Variants in RANBP2 observed in about 807,000 individuals in gnomAD.
RANBP2 encodes E3 SUMO-protein ligase RanBP2.
A neutral mutation model predicts 303.6 loss-of-function variants in RANBP2; 57 were observed. The observed-to-expected ratio is 0.19, with a 90% CI of 0.15 to 0.23. RANBP2 has a LOEUF of 0.23. Ranked by LOEUF, RANBP2 falls within the 10% of genes least tolerant of loss-of-function variation. The pLI is 1.00. For missense variants in RANBP2, 3,138 were observed against 3,780.8 expected (o/e 0.83, Z 4.46); for synonymous variants, 1,167 against 1,301.5 (o/e 0.90, Z 2.23).
At chr2:108,755,802 C>A (rs1573784752) in intron 17 of RANBP2, among the ~76,000 whole-genome samples, 1 of 151,928 alleles carries the variant, frequency 6.6e-6, no homozygotes, top group East Asian at 1.9e-4. Context: ...TGGCTCACTG[C>A]AACCTCCACC....
the RANBP2 span, among the ~76,000 whole-genome samples, chr2:108,960,911 G>C: frequency 6.6e-6 from 1 of 152,164 alleles, no homozygotes; most frequent in South Asian, 2.1e-4. Flanking sequence ...ATCCCCTAAG[G>C]CTGGACATTC....
rs1254990557 is a variant in RANBP2, at chr2:108,777,330, TCTTCCCTTACCCCCC to T, written c.8599+100_8599+114del. 1,892 of 1,009,588 alleles carry T rather than the reference TCTTCCCTTACCCCCC, an allele frequency of 1.9e-3. 4 individuals are homozygous for T. The highest frequency in any genetic ancestry group is 2.6e-3 in the Non-Finnish European group (1,686 of 661,154). 62.5% of individuals were successfully genotyped at this position (1,009,588 alleles called of 1,614,324 possible). On this transcript the variant is annotated intron_variant, in intron 25 of 28. Transcript: ENST00000283195. ...GCAGTATATAACTAAGTTAGAAGTTTCTTCCCTTACCCCCCAGTTTGTTTTAGTGTTTTAATAATG... is the reference window on the plus strand; with the variant it reads ...GCAGTATATAACTAAGTTAGAAGTTTAGTTTGTTTTAGTGTTTTAATAATG...
chr2:109,199,637 T>TCGTTCC, the RANBP2 span, among the ~76,000 whole-genome samples: 2 of 50 alleles, frequency 0.04, no homozygotes, highest in Non-Finnish European at 0.071. Context: ...TGGAATGGAA[T>TCGTTCC]GGAATGGAAT....
downstream of RANBP2, chr2:108,786,986 A>C: frequency 1.8e-6 from 2 of 1,112,508 alleles, no homozygotes; most frequent in Non-Finnish European, 2.4e-6. Flanking sequence ...TGCCCCGCGC[A>C]GCCGGCCTGG....
the RANBP2 span, chr2:108,873,542 A>G: frequency 2.2e-5 from 35 of 1,611,628 alleles, no homozygotes; most frequent in African/African-American, 4.0e-4. Context: ...TTGATCTTCA[A>G]ATACTAGAAA....
the RANBP2 span, chr2:108,812,865 CA>C: frequency 9.3e-5 from 150 of 1,613,456 alleles, 1 homozygote; most frequent in South Asian, 1.4e-3. Flanking sequence ...AGGAAGTTCC[CA>C]TGCTGTTCAT....
the RANBP2 span, chr2:108,846,574 G>A: frequency 6.1e-6 from 1 of 164,082 alleles, no homozygotes; most frequent in Non-Finnish European, 1.3e-5. Flanking sequence ...CTTCTTGGGA[G>A]GCTGAGGTAG....
the RANBP2 span, chr2:109,127,314 G>C: frequency 6.6e-6 from 1 of 152,214 alleles, no homozygotes; most frequent in Non-Finnish European, 1.5e-5. Flanking sequence ...GAGAGAGAAA[G>C]AGAGACGTAT....
At chr2:108,987,642 G>A in the RANBP2 span, among the ~76,000 whole-genome samples, 1 of 152,184 alleles carries the variant, frequency 6.6e-6, no homozygotes, top group Non-Finnish European at 1.5e-5. Flanking sequence ...TCCTCCAACT[G>A]TGCTGTCACA....
At chr2:108,752,033 C>T in intron 12 of RANBP2, 39 bp downstream of exon 12, 2 of 1,606,986 alleles carry the variant, frequency 1.2e-6, no homozygotes, top group Non-Finnish European at 1.7e-6. Context: ...AGAACATTAC[C>T]TTAATTTTTT....
At chr2:108,902,859 C>T in the RANBP2 span, among the ~76,000 whole-genome samples, 1 of 152,148 alleles carries the variant, frequency 6.6e-6, no homozygotes, top group Non-Finnish European at 1.5e-5. Context: ...TCTGCTTCTG[C>T]TTCATCATTT....
the RANBP2 span, among the ~76,000 whole-genome samples, chr2:109,137,761 C>T: frequency 7.2e-5 from 11 of 152,192 alleles, no homozygotes; most frequent in African/African-American, 1.7e-4. Flanking sequence ...CCTGATCAGC[C>T]GTTGTTTTTG....
At chr2:108,824,986 A>C in the RANBP2 span, among the ~76,000 whole-genome samples, 3 of 152,160 alleles carry the variant, frequency 2.0e-5, no homozygotes, top group Non-Finnish European at 4.4e-5. Flanking sequence ...TTCAGAGGGA[A>C]CTCTTTCATA....
At chr2:109,720,250 TATCA>T in the RANBP2 span, among the ~76,000 whole-genome samples, 1 of 151,606 alleles carries the variant, frequency 6.6e-6, no homozygotes, top group African/African-American at 2.4e-5. Flanking sequence ...CACACATATA[TATCA>T]ATCTTTATAC....
intron 9 of RANBP2, among the ~76,000 whole-genome samples, chr2:108,750,115 C>T (rs953641500): frequency 5.9e-5 from 9 of 152,266 alleles, no homozygotes; most frequent in Non-Finnish European, 1.2e-4. Context: ...TGCTGCACGA[C>T]AGCCTGGGCG....
the RANBP2 span, among the ~76,000 whole-genome samples, chr2:109,738,213 A>C: frequency 6.6e-6 from 1 of 152,002 alleles, no homozygotes; most frequent in Non-Finnish European, 1.5e-5. Flanking sequence ...GTAGTTTTGC[A>C]TTTAAGTTTG....
chr2:108,778,955 C>A (rs1419149455), intron 25 of RANBP2, among the ~76,000 whole-genome samples: 2 of 152,126 alleles, frequency 1.3e-5, no homozygotes, highest in Non-Finnish European at 2.9e-5. Flanking sequence ...GTCTCAAACT[C>A]CTGGGCTCAA....
the RANBP2 span, among the ~76,000 whole-genome samples, chr2:108,898,781 A>C: frequency 1.3e-5 from 2 of 152,242 alleles, no homozygotes; most frequent in Non-Finnish European, 2.9e-5. Context: ...ACAAAAGTAC[A>C]ATAACCACAA....
chr2:108,786,488 C>T (rs925501288), downstream of RANBP2, among the ~76,000 whole-genome samples: 3 of 152,200 alleles, frequency 2.0e-5, no homozygotes, highest in Non-Finnish European at 4.4e-5. Flanking sequence ...GCACACCAAA[C>T]TTAACAGGTT....
Sources: allele counts gnomAD v4.1 joint callset (sites outside exome capture counted in the v4.1 genomes callset), GRCh38; gene constraint gnomAD v4.1.1; transcripts MANE v1.5; gene names NCBI Gene and HGNC (gene_info 2026-07-23, HGNC 2026-07-21).